Variants in FKBP5 observed in about 807,000 individuals in gnomAD.
FKBP5 encodes the protein FKBP prolyl isomerase 5, also known as peptidyl-prolyl cis-trans isomerase FKBP5.
Under a neutral mutation model 50.5 loss-of-function variants are expected in FKBP5, and 23 were observed. The ratio of observed to expected loss-of-function variants is 0.46; its 90% CI spans 0.33 to 0.65. The LOEUF is 0.65. Among genes scored for constraint, FKBP5 ranks in the 30% least tolerant of loss-of-function variants. The probability of loss-of-function intolerance (pLI) is 0.02; values close to 1 mark genes in which losing one functional copy is unlikely to be tolerated. For synonymous variants in FKBP5, 176 were observed against 190.6 expected, an observed-to-expected ratio of 0.92 and a Z score of 0.63; for missense variants, 411 against 553.1, an observed-to-expected ratio of 0.74 and a Z score of 2.58.
intron 1 of FKBP5, chr6:35,651,877 A>AT: frequency 8.7e-7 from 1 of 1,149,556 alleles, no homozygotes. Context: ...GGTGCAAAAA[A>AT]TAAATCCTCT....
intron 6 of FKBP5, among the ~76,000 whole-genome samples, chr6:35,592,232 C>T (rs1216882028): frequency 1.3e-5 from 2 of 152,098 alleles, no homozygotes; most frequent in Non-Finnish European, 1.5e-5. Context: ...ATGTCAAAAC[C>T]GACTTAATCT....
At chr6:35,620,495 G>A (rs1173155646) in intron 3 of FKBP5, among the ~76,000 whole-genome samples, 2 of 151,682 alleles carry the variant, frequency 1.3e-5, no homozygotes, top group African/African-American at 2.4e-5. Context: ...TTGGGAGGCT[G>A]AGGTGGGAGG....
At position 35,574,671 on chromosome 6, in the gene FKBP5, G is replaced by A. The variant is rs1028004667; in HGVS notation, c.*1164C>T. 4 of 152,596 alleles carry A rather than the reference G, an allele frequency of 2.6e-5. No individual in the cohort carries two copies. The highest frequency in any genetic ancestry group is 5.9e-5 in the Non-Finnish European group (4 of 68,042). 9.5% of individuals were successfully genotyped at this position (152,596 alleles called of 1,614,324 possible). A position where few individuals can be genotyped will look rare whatever the true frequency, so the allele number is the denominator to read the frequency against. ...CAAACCTGCAGGTGAAACCCCTAGT[G>A]TAGAAGAGCAACTATTTATTTGTCA... On this transcript the variant is annotated 3_prime_UTR_variant, in exon 11 of 11. Transcript: ENST00000357266.
chr6:35,614,512 A>C (rs1763585389), intron 5 of FKBP5, among the ~76,000 whole-genome samples: 1 of 152,150 alleles, frequency 6.6e-6, no homozygotes, highest in South Asian at 2.1e-4. Flanking sequence ...TAACATAATC[A>C]CATTGAAGGG....
chr6:35,642,736 T>C lies in FKBP5; in HGVS notation c.89A>G (p.Asp30Gly). Residue 30 changes from aspartate to glycine, a missense_variant, in exon 2 of 11, where the codon GAC becomes GGC. Physicochemically the swap from Asp to Gly is moderately conservative, Grantham distance 94 (BLOSUM62 -1). Around this residue, in one of 3 missense-constraint regions of FKBP5, gnomAD observed 56 missense variants for 58.2 expected, o/e 0.96. Coordinates refer to ENST00000357266, the MANE Select transcript of FKBP5 (RefSeq NM_004117.4). ...EQGEDITSKK[D>G]RGVLKIVKRV... ...TGGCCTCACCTTTAATACTCCCCTG[T>C]CTTTTTTGGAGGTAATATCCTCTCC... 1 of 1,613,954 alleles carries C rather than the reference T, an allele frequency of 6.2e-7. No individual in the cohort carries two copies. Among genetic ancestry groups the C allele is most frequent in the Non-Finnish European group, 8.5e-7 (1 of 1,179,888 alleles).
chr6:35,597,540 G>T, intron 5 of FKBP5, 136 bp from the exon 6 acceptor site: 1 of 1,035,510 alleles, frequency 9.7e-7, no homozygotes, highest in South Asian at 1.8e-5. Context: ...CACACACAGT[G>T]TGTCTTGGTG....
intron 8 of FKBP5, chr6:35,584,202 T>C: frequency 1.0e-6 from 1 of 985,444 alleles, no homozygotes; most frequent in Non-Finnish European, 1.2e-6. Flanking sequence ...CTGTACTTAA[T>C]AATTATTTTC....
intron 5 of FKBP5, among the ~76,000 whole-genome samples, chr6:35,606,659 C>CAAAA (rs61139697): frequency 8.0e-5 from 2 of 25,134 alleles, no homozygotes; most frequent in African/African-American, 3.1e-4. Context: ...GACTCCGTCT[C>CAAAA]AAAAAAAAAA....
At position 35,705,242 on chromosome 6, in the gene FKBP5, ATATATATATATATATATTTTT is replaced by A. The variant is rs1474394012; in HGVS notation, c.-20+15065_-20+15085del. Among the ~76,000 whole-genome samples the A allele has an allele frequency of 2.1e-3, 9 of 4,366 alleles. No individual in the cohort carries two copies. The South Asian group carries it at 0.026, about 13-fold the overall frequency. The allele number at this position is 4,366 out of a possible 152,430, so 2.9% of individuals were successfully genotyped here. On this transcript the variant is annotated intron_variant, in intron 2 of 11. Coordinates refer to the FKBP5 transcript ENST00000536438. ...TATATATATATATATATATATATAT[ATATATATATATATATATTTTT>A]TTTTTTTTTTTTTTTTTTTTGGAGA...
chr6:35,701,524 T>C (rs1480363211), intron 2 of FKBP5, among the ~76,000 whole-genome samples: 1 of 151,886 alleles, frequency 6.6e-6, no homozygotes, highest in East Asian at 1.9e-4. Context: ...ATTACAGGCG[T>C]GAGCCACCAC....
At chr6:35,673,341 G>A (rs909944793) in intron 1 of FKBP5, among the ~76,000 whole-genome samples, 3 of 152,290 alleles carry the variant, frequency 2.0e-5, no homozygotes, top group South Asian at 4.1e-4. Context: ...CTTGAGGCCA[G>A]GAGTTCAAGA....
At chr6:35,585,939 T>A in intron 8 of FKBP5, 1 of 984,062 alleles carries the variant, frequency 1.0e-6, no homozygotes, top group Non-Finnish European at 1.2e-6. Context: ...TTGCCACTCC[T>A]CCCTCCTGAC....
chr6:35,720,459 C>T (rs1222468018), exon 2 of FKBP5: 2 of 152,380 alleles, frequency 1.3e-5, no homozygotes, highest in Admixed American at 6.5e-5. Context: ...ATTGTCGCTT[C>T]GTAGTCCCTG....
At chr6:35,700,413 A>C (rs921298776) in intron 2 of FKBP5, among the ~76,000 whole-genome samples, 1 of 152,182 alleles carries the variant, frequency 6.6e-6, no homozygotes, top group Non-Finnish European at 1.5e-5. Flanking sequence ...AAAGCAGGTC[A>C]CAGAGCAGCC....
At chr6:35,693,058 A>G (rs1581890314), upstream of FKBP5, among the ~76,000 whole-genome samples, 1 of 114,586 alleles carries the variant, frequency 8.7e-6, no homozygotes, top group African/African-American at 3.5e-5. Flanking sequence ...TTTTCAGCTC[A>G]CTCAGTCTCT....
At chr6:35,711,112 G>C (rs551634366) in intron 2 of FKBP5, among the ~76,000 whole-genome samples, 1 of 151,984 alleles carries the variant, frequency 6.6e-6, no homozygotes, top group Non-Finnish European at 1.5e-5. Flanking sequence ...TTGAGTCCGC[G>C]AAGTCAAGAC....
chr6:35,706,239 T>C (rs1766311444), intron 2 of FKBP5, among the ~76,000 whole-genome samples: 1 of 151,788 alleles, frequency 6.6e-6, no homozygotes, highest in Non-Finnish European at 1.5e-5. Context: ...GCCTGGCTAA[T>C]ATGGTAAAAC....
upstream of FKBP5, among the ~76,000 whole-genome samples, chr6:35,690,796 C>T (rs1307178182): frequency 5.3e-5 from 8 of 151,964 alleles, no homozygotes; most frequent in South Asian, 4.2e-4. Flanking sequence ...CACCTGAGGT[C>T]GGGAGTTCGA....
At chr6:35,598,095 C>G (rs531180527) in intron 5 of FKBP5, among the ~76,000 whole-genome samples, 1 of 152,262 alleles carries the variant, frequency 6.6e-6, no homozygotes, top group African/African-American at 2.4e-5. Flanking sequence ...TTTGGGAGGC[C>G]TAATTCCCCG....
Sources: gnomAD v4.1 joint callset for allele counts (sites outside exome capture counted in the v4.1 genomes callset) on GRCh38, gnomAD v4.1.1 for gene constraint, gnomAD v4.1.1 regional missense constraint, MANE v1.5 for transcripts, NCBI Gene and HGNC (gene_info 2026-07-23, HGNC 2026-07-21) for gene names.